The following LITAF variants were observed in gnomAD, a reference collection of about 807,000 sequenced individuals.
The protein encoded by LITAF is lipopolysaccharide induced TNF factor, also known as lipopolysaccharide-induced tumor necrosis factor-alpha factor.
LITAF carries 9 observed loss-of-function variants against 14.5 expected under a neutral mutation model. The observed-to-expected ratio is 0.62, with a 90% confidence interval of 0.37 to 1.08. The LOEUF is 1.08. Among genes scored for constraint, LITAF ranks in the 50% least tolerant of loss-of-function variants. The pLI is 0.01. For missense variants in LITAF, 206 were observed against 213.4 expected, an observed-to-expected ratio of 0.97 and a Z score of 0.22; for synonymous variants, 98 against 88.2, an observed-to-expected ratio of 1.11 and a Z score of -0.62.
At position 11,606,968 on chromosome 16, in the gene LITAF, C is replaced by T. The variant is rs541201771; in HGVS notation, c.85+26565G>A. Among the ~76,000 whole-genome samples, 14 of 152,212 alleles carry T rather than the reference C, an allele frequency of 9.2e-5. No individual in the cohort carries two copies. The South Asian group carries it at 1.0e-3, about 11-fold the overall frequency. ...TCACTGTATCCTTCCAACAACCTTA[C>T]GAGCGAAGTGCTATTCCTGTCCTAT... On this transcript the variant is annotated intron_variant, in intron 3 of 3. Coordinates refer to the LITAF transcript ENST00000574848.
chr16:11,609,904 G>A (rs991125131), intron 3 of LITAF, among the ~76,000 whole-genome samples: 1 of 152,226 alleles, frequency 6.6e-6, no homozygotes, highest in African/African-American at 2.4e-5. Context: ...TCCAAGGCCT[G>A]GATGCTGAAA....
At chr16:11,592,250 C>T (rs2064851321) in intron 1 of LITAF, among the ~76,000 whole-genome samples, 1 of 151,940 alleles carries the variant, frequency 6.6e-6, no homozygotes, top group Non-Finnish European at 1.5e-5. Flanking sequence ...TACAACTCAG[C>T]AATAAAAAAA....
upstream of LITAF, among the ~76,000 whole-genome samples, chr16:11,638,056 ATATATATATCTATATATATATC>A (rs1567271069): frequency 9.3e-4 from 59 of 63,518 alleles, 12 homozygotes; most frequent in African/African-American, 6.6e-3. Flanking sequence ...ATATATATCT[ATATATATATCTATATATATATC>A]TATATCTATC....
At chr16:11,614,298 C>CTTTTTTTTTTTTTTTT (rs34958536) in intron 3 of LITAF, among the ~76,000 whole-genome samples, 1 of 134,940 alleles carries the variant, frequency 7.4e-6, no homozygotes, top group Non-Finnish European at 1.6e-5. Flanking sequence ...TTTTTCTTTT[C>CTTTTTTTTTTTTTTTT]TTTTTTTTTT....
At chr16:11,637,898 C>CTATATA (rs370179228), upstream of LITAF, among the ~76,000 whole-genome samples, 1 of 27,238 alleles carries the variant, frequency 3.7e-5, no homozygotes, top group African/African-American at 3.3e-4. Flanking sequence ...AAAAAAAAAA[C>CTATATA]TATATATATA....
At chr16:11,566,099 T>C (rs1170833500) in intron 1 of LITAF, among the ~76,000 whole-genome samples, 1 of 152,130 alleles carries the variant, frequency 6.6e-6, no homozygotes, top group African/African-American at 2.4e-5. Context: ...TTGGAACACA[T>C]AAGCACTCGG....
intron 1 of LITAF, among the ~76,000 whole-genome samples, chr16:11,574,390 A>C (rs1415389892): frequency 6.6e-6 from 1 of 152,150 alleles, no homozygotes; most frequent in Non-Finnish European, 1.5e-5. Flanking sequence ...AGGCATACAT[A>C]AGAAACTTAA....
chr16:11,573,784 C>T (rs367569331), intron 1 of LITAF, among the ~76,000 whole-genome samples: 2 of 149,786 alleles, frequency 1.3e-5, no homozygotes, highest in South Asian at 2.1e-4. Flanking sequence ...TCACTGCAAC[C>T]TCCACTTCTC....
intron 3 of LITAF, among the ~76,000 whole-genome samples, chr16:11,619,775 G>C (rs1597373647): frequency 6.6e-6 from 1 of 152,204 alleles, no homozygotes; most frequent in East Asian, 1.9e-4. Context: ...ATCCTGCTAT[G>C]TTGCCCAGGC....
At chr16:11,611,908 G>A (rs8052797) in intron 3 of LITAF, among the ~76,000 whole-genome samples, 66,598 of 151,588 alleles carry the variant, frequency 0.44, 15,114 homozygotes, top group East Asian at 0.55. Flanking sequence ...CAGGTGATTC[G>A]CCCACCTCGG....
chr16:11,610,789 G>C (rs370056646), intron 3 of LITAF, among the ~76,000 whole-genome samples: 8 of 152,266 alleles, frequency 5.3e-5, no homozygotes, highest in African/African-American at 1.9e-4. Context: ...AACCATTCAA[G>C]GCAACCTGTA....
rs528327178 is a variant in LITAF at position 11,557,374 on chromosome 16, G to GGTAT, written c.-5-643_-5-640dup. The stretch of plus-strand genomic sequence containing the variant: ...TCTTCACCTGGGGGCTGGTTACAGA[G>GGTAT]GTATGTTCAGTCTGTAAAAATCTCA... On this transcript the variant is annotated intron_variant, in intron 1 of 3. Transcript: ENST00000622633. Among the ~76,000 whole-genome samples the GGTAT allele has an allele frequency of 3.3e-5, 5 of 152,124 alleles. No individual in the cohort carries two copies. In the South Asian group the frequency reaches 6.2e-4, roughly 19 times the overall value.
At position 11,604,765 on chromosome 16, in the gene LITAF, CT is replaced by C. The variant is rs56271737; in HGVS notation, c.85+28767del. The stretch of plus-strand genomic sequence containing the variant: ...TTGCTGGGCACATGGCTTTTCTTTT[CT>C]TTTTTTTTTTTTAGGGTTATTTCCT... On this transcript the variant is annotated intron_variant, in intron 3 of 3. Coordinates refer to the LITAF transcript ENST00000574848. 2.1e-3 allele frequency among the ~76,000 whole-genome samples: 306 copies of C among 142,422 alleles called. 1 individual carries two copies. The highest frequency in any genetic ancestry group is 5.9e-3 in the African/African-American group (228 of 38,402). The allele number at this position is 142,422 out of a possible 152,430, so 93.4% of individuals were successfully genotyped here. A position where few individuals can be genotyped will look rare whatever the true frequency, so the allele number is the denominator to read the frequency against.
At chr16:11,578,404 G>A (rs2064677561) in intron 1 of LITAF, among the ~76,000 whole-genome samples, 1 of 152,004 alleles carries the variant, frequency 6.6e-6, no homozygotes, top group Non-Finnish European at 1.5e-5. Context: ...ACAGGCACAT[G>A]CCTGTAATCC....
At chr16:11,575,260 G>C (rs938093858) in intron 1 of LITAF, 2 of 152,220 alleles carry the variant, frequency 1.3e-5, no homozygotes, top group African/African-American at 2.4e-5. Flanking sequence ...GGGCAGATGT[G>C]GGAGAGATAT....
At chr16:11,638,082 ATCTATC>A (rs2065149568), upstream of LITAF, among the ~76,000 whole-genome samples, 4 of 128,490 alleles carry the variant, frequency 3.1e-5, no homozygotes, top group African/African-American at 9.7e-5. Context: ...ATATATCTAT[ATCTATC>A]TATCTATCTA....
chr16:11,563,341 G>A (rs2064402859), intron 1 of LITAF, among the ~76,000 whole-genome samples: 2 of 151,962 alleles, frequency 1.3e-5, no homozygotes, highest in East Asian at 1.9e-4. Context: ...GTAGAGACAG[G>A]GTTTCACCAT....
Position 11,553,410 on chromosome 16 carries a change from C to CAA in LITAF, c.377+121_377+122dup. ...TGGGCGACAGAACCAGATTCCATCT[C>CAA]AAAAAAAAACAACACAAATGTCTGG... On this transcript the variant is annotated intron_variant, in intron 3 of 3. Coordinates refer to ENST00000622633, the MANE Select transcript of LITAF (RefSeq NM_001136472.2). This position sits in a 1 kb window ranked among gnomAD's most constrained non-coding sequence, Gnocchi z 7.7. The CAA allele has an allele frequency of 4.6e-6, 5 of 1,083,086 alleles. No individual in the cohort carries two copies. The highest frequency in any genetic ancestry group is 6.7e-6 in the Non-Finnish European group (5 of 743,236). The allele number at this position is 1,083,086 out of a possible 1,614,324, so 67.1% of individuals were successfully genotyped here.
chr16:11,550,634 G>A (rs1432790850), intron 3 of LITAF, among the ~76,000 whole-genome samples: 1 of 152,152 alleles, frequency 6.6e-6, no homozygotes, highest in Non-Finnish European at 1.5e-5. Context: ...GGGACAGATA[G>A]TAGATCTTTT....
Sources: allele counts gnomAD v4.1 joint callset (sites outside exome capture counted in the v4.1 genomes callset), GRCh38; gene constraint gnomAD v4.1.1; non-coding constraint Gnocchi (gnomAD v3.1); transcripts MANE v1.5; gene names NCBI Gene and HGNC (gene_info 2026-07-23, HGNC 2026-07-21).